The following ZBTB20 variants were observed in gnomAD, a reference collection of about 807,000 sequenced individuals.
ZBTB20 encodes the protein zinc finger and BTB domain-containing protein 20.
Under a neutral mutation model 56.9 loss-of-function variants are expected in ZBTB20, and 9 were observed. The observed-to-expected ratio is 0.16, with a 90% CI of 0.10 to 0.28. The LOEUF (loss-of-function observed/expected upper bound fraction) is 0.28, where lower values mean the gene tolerates loss of function less well. Among genes scored for constraint, ZBTB20 ranks in the 10% least tolerant of loss-of-function variants. The pLI is 1.00. For synonymous variants in ZBTB20, 417 were observed against 420.7 expected (o/e 0.99, Z 0.11); for missense variants, 655 against 1,003.0 (o/e 0.65, Z 4.69).
chr3:114,849,109 G>T (rs2074866472), intron 4 of ZBTB20, among the ~76,000 whole-genome samples: 2 of 152,186 alleles, frequency 1.3e-5, no homozygotes, highest in Non-Finnish European at 2.9e-5. Flanking sequence ...AACATGGTAA[G>T]TATTGAGAGA....
At chr3:114,799,327 A>G (rs1346997432) in intron 5 of ZBTB20, among the ~76,000 whole-genome samples, 1 of 151,924 alleles carries the variant, frequency 6.6e-6, no homozygotes, top group Non-Finnish European at 1.5e-5. Flanking sequence ...ATAGGTGAAA[A>G]GGATGTGGTA....
At chr3:114,958,807 C>T (rs1035804398) in intron 3 of ZBTB20, among the ~76,000 whole-genome samples, 3 of 150,878 alleles carry the variant, frequency 2.0e-5, no homozygotes, top group Non-Finnish European at 2.9e-5. Flanking sequence ...GCCGAGATTG[C>T]ACCACTGCAC....
intron 7 of ZBTB20, among the ~76,000 whole-genome samples, chr3:114,464,572 GA>G (rs2092462671): frequency 6.6e-6 from 1 of 152,126 alleles, no homozygotes; most frequent in African/African-American, 2.4e-5. Context: ...TTAATGCAAA[GA>G]AAAGATATAT....
chr3:114,795,044 C>A (rs191739922), intron 5 of ZBTB20, among the ~76,000 whole-genome samples: 1,753 of 152,108 alleles, frequency 0.012, 15 homozygotes, highest in South Asian at 0.041. Context: ...TAACCAACAA[C>A]AGAATTTTAA....
intron 4 of ZBTB20, among the ~76,000 whole-genome samples, chr3:114,825,143 A>G (rs934392759): frequency 2.0e-5 from 3 of 151,934 alleles, no homozygotes; most frequent in Non-Finnish European, 4.4e-5. Flanking sequence ...GCTGATCATC[A>G]TATCTAAACA....
chr3:114,712,541 T>A (rs2108445891), intron 5 of ZBTB20, among the ~76,000 whole-genome samples: 1 of 151,318 alleles, frequency 6.6e-6, no homozygotes, highest in East Asian at 2.0e-4. Context: ...TAATCCCAGC[T>A]ACTCGGGAAG....
Position 114,992,570 on chromosome 3 carries a change from C to A in ZBTB20, c.-506-18154G>T, listed in dbSNP as rs577676265. 5.9e-5 allele frequency among the ~76,000 whole-genome samples: 9 copies of A among 151,864 alleles called. No homozygotes were observed. The East Asian group carries it at 1.6e-3, about 26-fold the overall frequency. On this transcript the variant is annotated intron_variant, in intron 2 of 11. Coordinates refer to ENST00000675478, the MANE Select transcript of ZBTB20 (RefSeq NM_001348800.3). ...AGGTGGGGCTGAACTCTTGGTGTCCCCCTAGAGCACCATAGCCACATATAT... is the reference window on the plus strand; with the variant it reads ...AGGTGGGGCTGAACTCTTGGTGTCCACCTAGAGCACCATAGCCACATATAT...
chr3:114,411,728 A>T (rs1294429447), intron 7 of ZBTB20, among the ~76,000 whole-genome samples: 1 of 152,076 alleles, frequency 6.6e-6, no homozygotes, highest in Non-Finnish European at 1.5e-5. Context: ...CTCACAAGGG[A>T]GGGAAGGGTA....
At chr3:114,722,711 T>G (rs1264673949) in intron 5 of ZBTB20, among the ~76,000 whole-genome samples, 4 of 152,332 alleles carry the variant, frequency 2.6e-5, no homozygotes, top group African/African-American at 9.6e-5. Flanking sequence ...CTCTCTTCCA[T>G]CCTTTTCTCA....
At chr3:114,777,052 T>C (rs888330041) in intron 5 of ZBTB20, among the ~76,000 whole-genome samples, 1 of 152,310 alleles carries the variant, frequency 6.6e-6, no homozygotes, top group African/African-American at 2.4e-5. Context: ...TGACATTTGA[T>C]TTGGCAAATA....
chr3:114,387,265 G>A (rs752080362), intron 8 of ZBTB20: 5 of 152,134 alleles, frequency 3.3e-5, no homozygotes, highest in Non-Finnish European at 5.9e-5. Context: ...ATATACTTCT[G>A]TAAATGATTC....
At chr3:114,782,846 T>C (rs550368165) in intron 5 of ZBTB20, among the ~76,000 whole-genome samples, 1 of 152,302 alleles carries the variant, frequency 6.6e-6, no homozygotes, top group South Asian at 2.1e-4. Flanking sequence ...CAGAGATAAG[T>C]TGAAAGTCCT....
chr3:114,511,100 TA>T (rs63221060), intron 6 of ZBTB20, among the ~76,000 whole-genome samples: 55,081 of 129,202 alleles, frequency 0.43, 11,561 homozygotes, highest in African/African-American at 0.62. Context: ...GTCCACATGC[TA>T]AAAAAAAAAA....
chr3:115,035,467 A>G (rs1347815184), intron 2 of ZBTB20, among the ~76,000 whole-genome samples: 1 of 152,100 alleles, frequency 6.6e-6, no homozygotes, highest in Admixed American at 6.6e-5. Context: ...GATGTTCAAC[A>G]TGACTAATCA....
chr3:114,554,671 C>A (rs1378217464), intron 6 of ZBTB20, among the ~76,000 whole-genome samples: 2 of 152,126 alleles, frequency 1.3e-5, no homozygotes, highest in African/African-American at 4.8e-5. Flanking sequence ...TGATCTTTGG[C>A]TCTGCAGTTT....
intron 10 of ZBTB20, among the ~76,000 whole-genome samples, chr3:114,360,159 G>C (rs959238509): frequency 6.7e-6 from 1 of 149,314 alleles, no homozygotes; most frequent in Non-Finnish European, 1.5e-5. Context: ...CCAATTCATA[G>C]AACTTCCTTT....
At chr3:114,434,525 A>G (rs901477126) in intron 7 of ZBTB20, among the ~76,000 whole-genome samples, 1 of 103,006 alleles carries the variant, frequency 9.7e-6, no homozygotes, top group African/African-American at 4.1e-5. Context: ...CATGAAGAGT[A>G]GCCTTCTGCA....
intron 1 of ZBTB20, among the ~76,000 whole-genome samples, chr3:115,087,639 C>T (rs2108562406): frequency 6.6e-6 from 1 of 152,012 alleles, no homozygotes; most frequent in East Asian, 1.9e-4. Context: ...GTTCCCAGTA[C>T]CAACCCCAAC....
At chr3:114,839,273 C>T (rs1017668458) in intron 4 of ZBTB20, among the ~76,000 whole-genome samples, 17 of 151,834 alleles carry the variant, frequency 1.1e-4, no homozygotes, top group African/African-American at 3.1e-4. Flanking sequence ...TGTTGGTGTG[C>T]GCCTATGGTC....
Sources: allele counts gnomAD v4.1 joint callset (sites outside exome capture counted in the v4.1 genomes callset), GRCh38; gene constraint gnomAD v4.1.1; transcripts MANE v1.5; gene names NCBI Gene and HGNC (gene_info 2026-07-23, HGNC 2026-07-21).